MYO10: variants seen among roughly 807,000 people sequenced by gnomAD.
The protein encoded by MYO10 is myosin X.
MYO10 carries 133 observed loss-of-function variants against 257.3 expected under a neutral mutation model. That is an observed-to-expected ratio of 0.52 (90% CI 0.45 to 0.60). The LOEUF is 0.60. Among genes scored for constraint, MYO10 ranks in the 20% least tolerant of loss-of-function variants. MYO10 has a pLI of 0.00. For synonymous variants in MYO10, 1,104 were observed against 1,028.6 expected (o/e 1.07, Z -1.40); for missense variants, 2,399 against 2,635.7 (o/e 0.91, Z 1.97).
At chr5:16,923,663 TACACACACACACAC>T (rs60949830) in intron 1 of MYO10, among the ~76,000 whole-genome samples, 5 of 140,638 alleles carry the variant, frequency 3.6e-5, no homozygotes, top group South Asian at 2.3e-4. Flanking sequence ...AACACGCCCA[TACACACACACACAC>T]ACACACACAC....
At chr5:16,713,883 T>C (rs542645929) in intron 19 of MYO10, among the ~76,000 whole-genome samples, 50 of 152,274 alleles carry the variant, frequency 3.3e-4, no homozygotes, top group Middle Eastern at 3.4e-3. Flanking sequence ...TTCCAGAACC[T>C]GAGCTCACTC....
At chr5:16,785,763 G>A (rs1741560570) in intron 4 of MYO10, among the ~76,000 whole-genome samples, 1 of 152,144 alleles carries the variant, frequency 6.6e-6, no homozygotes, top group South Asian at 2.1e-4. Context: ...CCAGCTACAT[G>A]GGAGGCTGAG....
chr5:16,909,380 G>A (rs969021400), intron 1 of MYO10, among the ~76,000 whole-genome samples: 3 of 151,774 alleles, frequency 2.0e-5, no homozygotes, highest in African/African-American at 4.8e-5. Flanking sequence ...GGTGGTGCAC[G>A]CCTGTAATCC....
intron 2 of MYO10, among the ~76,000 whole-genome samples, chr5:16,844,295 T>C (rs1415313535): frequency 6.6e-6 from 1 of 152,190 alleles, no homozygotes. Flanking sequence ...TTTGCATAAA[T>C]CACAGGAGAA....
intron 3 of MYO10, among the ~76,000 whole-genome samples, chr5:16,795,660 T>C (rs952334511): frequency 6.6e-6 from 1 of 152,110 alleles, no homozygotes; most frequent in Non-Finnish European, 1.5e-5. Flanking sequence ...ATGTCCTTAT[T>C]ATTATTTATT....
chr5:16,676,330 A>C (rs559924044), intron 33 of MYO10, among the ~76,000 whole-genome samples, 176 bp from the exon 34 acceptor site: 84 of 152,310 alleles, frequency 5.5e-4, no homozygotes, highest in African/African-American at 2.0e-3. Flanking sequence ...AAATCACAAA[A>C]ATACATTCTT....
At chr5:16,822,663 AT>A (rs200633647) in intron 2 of MYO10, among the ~76,000 whole-genome samples, 3,827 of 147,502 alleles carry the variant, frequency 0.026, 109 homozygotes, top group African/African-American at 0.067. Context: ...ATTTGGAAAT[AT>A]TTTTTTTTCT....
Position 16,877,592 on chromosome 5 carries a change from C to T in MYO10, c.120+17G>A, listed in dbSNP as rs7710976. ...GCAGACCATGGATGTTGGGAAGCTG[C>T]AGGGACTTGTTCTCACCTGACCATA... is the stretch of plus-strand genomic sequence containing the variant. On this transcript the variant is annotated intron_variant, in intron 2 of 40. Coordinates refer to ENST00000513610, the MANE Select transcript of MYO10 (RefSeq NM_012334.3). 6.3e-7 allele frequency: 1 copy of T among 1,594,474 alleles called. No individual in the cohort carries two copies. Among genetic ancestry groups the T allele is most frequent in the African/African-American group, 1.3e-5 (1 of 74,560 alleles).
chr5:16,694,718 C>A, intron 26 of MYO10, 104 bp from the exon 27 acceptor site: 1 of 1,450,220 alleles, frequency 6.9e-7, no homozygotes, highest in Non-Finnish European at 9.4e-7. Context: ...AGCTTAGACT[C>A]TGCCCCAGCC....
intron 19 of MYO10, among the ~76,000 whole-genome samples, chr5:16,733,584 T>C (rs1238361145): frequency 1.3e-5 from 2 of 150,864 alleles, no homozygotes; most frequent in Non-Finnish European, 2.9e-5. Context: ...GAAGAGGGTA[T>C]TGGTGAGCTG....
At chr5:16,765,727 T>C (rs1387313059) in intron 11 of MYO10, among the ~76,000 whole-genome samples, 1 of 152,194 alleles carries the variant, frequency 6.6e-6, no homozygotes, top group African/African-American at 2.4e-5. Context: ...ATGAATTAGG[T>C]ATAATTATGC....
intron 30 of MYO10, 136 bp downstream of exon 30, chr5:16,683,744 G>C: frequency 1.3e-6 from 1 of 762,812 alleles, no homozygotes; most frequent in Non-Finnish European, 2.1e-6. Flanking sequence ...TGGATTGCTG[G>C]GGTTGACAAG....
At chr5:16,783,834 T>C (rs1579986863) in intron 4 of MYO10, among the ~76,000 whole-genome samples, 1 of 152,204 alleles carries the variant, frequency 6.6e-6, no homozygotes, top group South Asian at 2.1e-4. Context: ...TTTGGTTAAA[T>C]GCATGAGCTC....
rs369875344 is a variant in MYO10, at chr5:16,672,710, T to A, written c.5288A>T (p.Asp1763Val). Residue 1763 changes from aspartate (D) to valine (V), a missense_variant, in exon 37 of 41, where the codon GAT becomes GTT. Asp to Val is a radical substitution (Grantham distance 152). This residue lies in a region of MYO10 where 1,820 missense variants were observed against 1,939.4 expected (regional missense o/e 0.94). Transcript: ENST00000513610. ...KAIESRTVVA[D>V]VLAKFEKLAA... Reference sequence around the variant, plus strand: ...CTACTTTTCAAACTTGGCTAAGACATCAGCTACGACGGTTCGACTTTCAAT... The same window carrying A: ...CTACTTTTCAAACTTGGCTAAGACAACAGCTACGACGGTTCGACTTTCAAT... 6 of 1,613,928 alleles carry A rather than the reference T, an allele frequency of 3.7e-6. No individual in the cohort carries two copies. The highest frequency in any genetic ancestry group is 5.1e-6 in the Non-Finnish European group (6 of 1,179,912).
intron 2 of MYO10, among the ~76,000 whole-genome samples, chr5:16,840,925 G>A (rs1223774598): frequency 1.3e-5 from 2 of 152,050 alleles, no homozygotes; most frequent in Non-Finnish European, 2.9e-5. Context: ...CGGATCACCT[G>A]AGGTCAGGAG....
chr5:16,724,998 C>T (rs1009676214), intron 19 of MYO10, among the ~76,000 whole-genome samples: 6 of 151,316 alleles, frequency 4.0e-5, no homozygotes, highest in South Asian at 4.2e-4. Flanking sequence ...TAAAAGTGTT[C>T]CACATTTTGC....
intron 33 of MYO10, 121 bp downstream of exon 33, chr5:16,679,826 C>T: frequency 7.4e-7 from 1 of 1,347,772 alleles, no homozygotes; most frequent in South Asian, 1.5e-5. Context: ...TGCCGGCCAA[C>T]CAAGCACTAG....
intron 3 of MYO10, among the ~76,000 whole-genome samples, chr5:16,801,332 C>A (rs1291952522): frequency 2.6e-5 from 4 of 152,072 alleles, no homozygotes; most frequent in Non-Finnish European, 5.9e-5. Flanking sequence ...CTCAGCCTCC[C>A]GAGTAGCTGG....
intron 1 of MYO10, among the ~76,000 whole-genome samples, chr5:16,912,985 T>TC (rs1221262043): frequency 2.6e-5 from 1 of 38,122 alleles, no homozygotes; most frequent in African/African-American, 1.4e-4. Flanking sequence ...TATTGTTTAT[T>TC]CCCAAAAAAA....
Sources: gnomAD v4.1 joint callset for allele counts (sites outside exome capture counted in the v4.1 genomes callset) on GRCh38, gnomAD v4.1.1 for gene constraint, gnomAD v4.1.1 regional missense constraint, MANE v1.5 for transcripts, NCBI Gene and HGNC (gene_info 2026-07-23, HGNC 2026-07-21) for gene names.